Variants in TCF20 observed in about 807,000 individuals in gnomAD.
TCF20 encodes the protein transcription factor 20, also known as SPRE-binding protein.
Under a neutral mutation model 148.6 loss-of-function variants are expected in TCF20, and 3 were observed. The ratio of observed to expected loss-of-function variants is 0.02; its 90% CI spans 0.01 to 0.05. TCF20 has a LOEUF of 0.05. Ranked by LOEUF, TCF20 falls within the 10% of genes least tolerant of loss-of-function variation. TCF20 has a pLI of 1.00. For missense variants in TCF20, 2,350 were observed against 2,429.3 expected, an observed-to-expected ratio of 0.97 and a Z score of 0.69; for synonymous variants, 1,049 against 909.5, an observed-to-expected ratio of 1.15 and a Z score of -2.76.
chr22:42,309,849 GAAGT>G (rs1263859449), intron 1 of TCF20, among the ~76,000 whole-genome samples: 2 of 152,226 alleles, frequency 1.3e-5, no homozygotes, highest in Admixed American at 6.5e-5. Context: ...TGGTGAGGAT[GAAGT>G]AAGAAAAACA....
chr22:42,284,005 C>G (rs1169516870), upstream of TCF20, among the ~76,000 whole-genome samples: 1 of 152,208 alleles, frequency 6.6e-6, no homozygotes, highest in Non-Finnish European at 1.5e-5. Flanking sequence ...TCCTCCTGCC[C>G]AAGCCGGCAA....
At chr22:42,322,547 G>C (rs922434131) in intron 1 of TCF20, among the ~76,000 whole-genome samples, 4 of 151,900 alleles carry the variant, frequency 2.6e-5, no homozygotes, top group Admixed American at 2.6e-4. Context: ...CAGAGGAGAG[G>C]AAGGACGTTC....
At chr22:42,197,406 T>C (rs1447262529) in intron 2 of TCF20, among the ~76,000 whole-genome samples, 3 of 150,506 alleles carry the variant, frequency 2.0e-5, no homozygotes, top group Non-Finnish European at 1.5e-5. Context: ...CACTGCAAGC[T>C]CCGCCTCCCG....
intron 1 of TCF20, among the ~76,000 whole-genome samples, chr22:42,217,559 C>T (rs1000189975): frequency 2.0e-5 from 3 of 152,196 alleles, no homozygotes; most frequent in South Asian, 2.1e-4. Flanking sequence ...GTAATCCTCA[C>T]GTCATCACAC....
intron 1 of TCF20, among the ~76,000 whole-genome samples, chr22:42,255,488 AAACAACAACAAC>A (rs71746301): frequency 3.4e-5 from 1 of 29,280 alleles, no homozygotes; most frequent in Non-Finnish European, 7.9e-5. Flanking sequence ...ACTTCATCTC[AAACAACAACAAC>A]AACAACAACA....
chr22:42,301,103 G>A (rs780483931), intron 1 of TCF20, among the ~76,000 whole-genome samples: 8 of 152,310 alleles, frequency 5.3e-5, no homozygotes, highest in Admixed American at 2.0e-4. Context: ...GGGTGGAGGT[G>A]TAAATGGCTG....
At chr22:42,200,348 T>TA (rs1175810205) in intron 2 of TCF20, among the ~76,000 whole-genome samples, 1 of 152,128 alleles carries the variant, frequency 6.6e-6, no homozygotes, top group East Asian at 1.9e-4. Flanking sequence ...AGTCAGTGTT[T>TA]AAAATCTATC....
chr22:42,316,586 C>T (rs1304753138), intron 1 of TCF20, among the ~76,000 whole-genome samples: 1 of 152,160 alleles, frequency 6.6e-6, no homozygotes, highest in African/African-American at 2.4e-5. Context: ...TACAGGCATG[C>T]GCCACCACGC....
chr22:42,177,740 A>C (rs1024511361), intron 3 of TCF20, among the ~76,000 whole-genome samples: 1 of 152,222 alleles, frequency 6.6e-6, no homozygotes, highest in East Asian at 1.9e-4. Context: ...TTTAGTCTTC[A>C]TCCCTGATTC....
At chr22:42,194,576 C>G (rs1482830262) in intron 2 of TCF20, among the ~76,000 whole-genome samples, 2 of 150,514 alleles carry the variant, frequency 1.3e-5, no homozygotes, top group Non-Finnish European at 3.0e-5. Context: ...ACTAATGACT[C>G]TGCTTCTGCC....
chr22:42,248,177 G>A (rs974295664), intron 1 of TCF20, among the ~76,000 whole-genome samples: 1 of 152,254 alleles, frequency 6.6e-6, no homozygotes, highest in Non-Finnish European at 1.5e-5. Context: ...ACGTACTCAT[G>A]TGGGCGCTGC....
chr22:42,234,169 A>G (rs1430247820), intron 1 of TCF20, among the ~76,000 whole-genome samples: 1 of 152,222 alleles, frequency 6.6e-6, no homozygotes, highest in Non-Finnish European at 1.5e-5. Context: ...ACAAAAACAC[A>G]CTGTAAAACA....
At chr22:42,208,489 T>C (rs1306542876) in intron 2 of TCF20, among the ~76,000 whole-genome samples, 1 of 152,122 alleles carries the variant, frequency 6.6e-6, no homozygotes, top group Non-Finnish European at 1.5e-5. Flanking sequence ...TAGCTGGGCA[T>C]GGTGGCACAC....
At chr22:42,221,772 T>G (rs1394012350) in intron 1 of TCF20, among the ~76,000 whole-genome samples, 2 of 90,036 alleles carry the variant, frequency 2.2e-5, no homozygotes, top group African/African-American at 1.0e-4. Context: ...GGAGTCTCGT[T>G]CTGTTGCCCA....
intron 3 of TCF20, among the ~76,000 whole-genome samples, chr22:42,179,181 A>G (rs1315655504): frequency 6.6e-6 from 1 of 152,188 alleles, no homozygotes; most frequent in Non-Finnish European, 1.5e-5. Flanking sequence ...AAAAGGTTAA[A>G]CAGAGTTACC....
chr22:42,272,058 TCA>T (rs1185963499), upstream of TCF20, among the ~76,000 whole-genome samples: 6 of 152,168 alleles, frequency 3.9e-5, no homozygotes, highest in Non-Finnish European at 2.9e-5. Flanking sequence ...CTGTCCAATC[TCA>T]CAAAGTGGGG....
chr22:42,227,288 G>C (rs148836968), intron 1 of TCF20, among the ~76,000 whole-genome samples: 1 of 152,072 alleles, frequency 6.6e-6, no homozygotes, highest in Admixed American at 6.6e-5. Context: ...AAAAAAAATA[G>C]TAATTTTAAA....
intron 1 of TCF20, among the ~76,000 whole-genome samples, chr22:42,342,414 A>G (rs910096221): frequency 1.3e-5 from 2 of 152,172 alleles, no homozygotes; most frequent in Admixed American, 1.3e-4. Context: ...CCTGATGCTA[A>G]GCTTGTGAGC....
At position 42,279,585 on chromosome 22, in the gene TCF20, C is replaced by T. The variant is rs969211797; in HGVS notation, c.-37+4242G>A. On this transcript the variant is annotated intron_variant, in intron 1 of 5. Transcript: ENST00000359486. The surrounding 1 kb of genome is among the most constrained non-coding windows in gnomAD (Gnocchi z 4.3). ...CCGTAGAACAGGGACATTAACATCA[C>T]CCCCGAGTGAGGGCTGCAGGCACAC... Among the ~76,000 whole-genome samples the T allele has an allele frequency of 6.6e-6, 1 of 152,212 alleles. No individual in the cohort carries two copies. The highest frequency in any genetic ancestry group is 2.4e-5 in the African/African-American group (1 of 41,450).
Sources: allele counts gnomAD v4.1 joint callset (sites outside exome capture counted in the v4.1 genomes callset), GRCh38; gene constraint gnomAD v4.1.1; non-coding constraint Gnocchi (gnomAD v3.1); transcripts MANE v1.5; gene names NCBI Gene and HGNC (gene_info 2026-07-23, HGNC 2026-07-21).